INO80: variants seen among roughly 807,000 people sequenced by gnomAD.
The protein encoded by INO80 is INO80 complex ATPase subunit.
Under a neutral mutation model 203.4 loss-of-function variants are expected in INO80, and 20 were observed. That is an observed-to-expected ratio of 0.10 (90% CI 0.07 to 0.14). INO80 has a LOEUF of 0.14. Among genes scored for constraint, INO80 ranks in the 10% least tolerant of loss-of-function variants. The probability of loss-of-function intolerance (pLI) is 1.00; values close to 1 mark genes in which losing one functional copy is unlikely to be tolerated. For missense variants in INO80, 1,419 were observed against 1,914.4 expected (o/e 0.74, Z 4.83); for synonymous variants, 726 against 685.2 (o/e 1.06, Z -0.93).
rs78451546 is a variant in INO80 at position 41,059,776 on chromosome 15, G to A, written c.1842+91C>T. The A allele has an allele frequency of 7.7e-3, 6,421 of 829,106 alleles. 289 individuals are homozygous for A. The African/African-American group carries it at 0.1, about 13-fold the overall frequency. The allele number at this position is 829,106 out of a possible 1,614,324, so 51.4% of individuals were successfully genotyped here. A position where few individuals can be genotyped will look rare whatever the true frequency, so the allele number is the denominator to read the frequency against. ...TCCAGAAATATATAATAGATAAGAAGATTTTTGTCTAAAAGAAATTATCCA... is the reference window on the plus strand; with the variant it reads ...TCCAGAAATATATAATAGATAAGAAAATTTTTGTCTAAAAGAAATTATCCA... On this transcript the variant is annotated intron_variant, in intron 15 of 35. Coordinates refer to ENST00000648947, the MANE Select transcript of INO80 (RefSeq NM_017553.3).
rs781084323 is a variant in INO80 at position 40,983,103 on chromosome 15, G to GAA, written c.4238-28_4238-27dup. The GAA allele has an allele frequency of 7.9e-6, 12 of 1,513,264 alleles. No homozygotes were observed. The Admixed American group carries it at 1.2e-4, about 15-fold the overall frequency. The allele number at this position is 1,513,264 out of a possible 1,614,324, so 93.7% of individuals were successfully genotyped here. On this transcript the variant is annotated intron_variant, in intron 34 of 35. Transcript: ENST00000648947. ...CTGTGGGAACAAATGGGCCAAAAGGGAAAGAAAAAAAAAAAAAGTCAATCT... is the reference window on the plus strand; with the variant it reads ...CTGTGGGAACAAATGGGCCAAAAGGGAAAAAGAAAAAAAAAAAAAGTCAATCT...
At chr15:41,093,314 A>G (rs2045672003) in intron 4 of INO80, among the ~76,000 whole-genome samples, 1 of 152,014 alleles carries the variant, frequency 6.6e-6, no homozygotes, top group South Asian at 2.1e-4. Context: ...AGTTTCAGCT[A>G]CTCAGGAGGC....
chr15:41,109,721 C>CA (rs1361734153), intron 1 of INO80, among the ~76,000 whole-genome samples: 3 of 151,790 alleles, frequency 2.0e-5, no homozygotes, highest in Non-Finnish European at 4.4e-5. Flanking sequence ...CACCTGAGGT[C>CA]AGGAGTTTGA....
At chr15:41,051,726 G>A (rs1384331588) in intron 19 of INO80, among the ~76,000 whole-genome samples, 1 of 152,100 alleles carries the variant, frequency 6.6e-6, no homozygotes. Flanking sequence ...AGGCCGAGGT[G>A]GGTGGATCAC....
intron 8 of INO80, among the ~76,000 whole-genome samples, chr15:41,080,631 A>G (rs1352609675): frequency 2.6e-5 from 4 of 152,104 alleles, no homozygotes; most frequent in African/African-American, 9.7e-5. Context: ...TGAGGCAGGC[A>G]GATCACCTGA....
chr15:41,062,771 A>G (rs1173740124), intron 14 of INO80, among the ~76,000 whole-genome samples: 3 of 152,188 alleles, frequency 2.0e-5, no homozygotes, highest in Non-Finnish European at 4.4e-5. Context: ...GGAGTGATGC[A>G]ACAAGAAGGC....
chr15:41,007,019 A>C (rs2044051336), intron 27 of INO80, among the ~76,000 whole-genome samples: 1 of 152,130 alleles, frequency 6.6e-6, no homozygotes, highest in Non-Finnish European at 1.5e-5. Context: ...TGGTCCTTAG[A>C]GGCTTGCTAT....
Position 41,044,931 on chromosome 15 carries a change from TGGAAA to T in INO80, c.2875_2879del (p.Phe959LysfsTer18). 1 of 1,611,962 alleles carries T rather than the reference TGGAAA, an allele frequency of 6.2e-7. No individual in the cohort carries two copies. Among genetic ancestry groups the T allele is most frequent in the Non-Finnish European group, 8.5e-7 (1 of 1,179,464 alleles). ...TTAACAAAGGGCAGCTGCAAAGGTT[TGGAAA>T]GGAGAGTGGAAAATTAACCCCAAGA... On this transcript the variant is annotated frameshift_variant, in exon 24 of 36. Transcript: ENST00000648947. LOFTEE classifies it high-confidence loss of function.
intron 29 of INO80, among the ~76,000 whole-genome samples, chr15:40,988,442 A>C (rs533633300): frequency 1.4e-4 from 21 of 152,350 alleles, no homozygotes; most frequent in Non-Finnish European, 5.9e-5. Context: ...ATCCAAGATC[A>C]CATTGCTTAA....
At position 41,014,207 on chromosome 15, in the gene INO80, T is replaced by G. The variant is rs181633581; in HGVS notation, c.3402+1881A>C. Among the ~76,000 whole-genome samples the G allele has an allele frequency of 1.7e-4, 26 of 152,322 alleles. No individual in the cohort carries two copies. The East Asian group carries it at 5.0e-3, about 29-fold the overall frequency. ...TTTTGGATTGCTCATTCACATTCCC[T>G]TGGAACTTTCCTTTCATATGAATCA... On this transcript the variant is annotated intron_variant, in intron 27 of 35. Coordinates refer to ENST00000648947, the MANE Select transcript of INO80 (RefSeq NM_017553.3).
At chr15:41,043,046 A>G (rs1596286032) in intron 24 of INO80, among the ~76,000 whole-genome samples, 1 of 152,312 alleles carries the variant, frequency 6.6e-6, no homozygotes, top group South Asian at 2.1e-4. Context: ...TTTCCCATAA[A>G]GCATACTACC....
At chr15:41,091,744 T>C (rs575503547) in intron 5 of INO80, among the ~76,000 whole-genome samples, 1 of 142,490 alleles carries the variant, frequency 7.0e-6, no homozygotes, top group Non-Finnish European at 1.5e-5. Flanking sequence ...AACCTCCGCC[T>C]CTGGGTTCGA....
intron 14 of INO80, among the ~76,000 whole-genome samples, chr15:41,067,745 AC>A: frequency 6.6e-6 from 1 of 152,302 alleles, no homozygotes; most frequent in Admixed American, 6.5e-5. Flanking sequence ...ACTACAGGAA[AC>A]CCATCACTAT....
At chr15:41,044,844 T>G (rs2140518217) in intron 24 of INO80, 60 bp downstream of exon 24, 2 of 1,489,066 alleles carry the variant, frequency 1.3e-6, no homozygotes, top group Non-Finnish European at 1.8e-6. Context: ...TATTTTTACT[T>G]ATTCAAGGAA....
At chr15:41,007,626 C>T (rs1357753851) in intron 27 of INO80, among the ~76,000 whole-genome samples, 1 of 151,888 alleles carries the variant, frequency 6.6e-6, no homozygotes, top group East Asian at 1.9e-4. Context: ...CAAACCAACC[C>T]TGATTATAGA....
intron 1 of INO80, among the ~76,000 whole-genome samples, chr15:41,109,713 C>T (rs2045932291): frequency 6.6e-6 from 1 of 151,858 alleles, no homozygotes; most frequent in African/African-American, 2.4e-5. Flanking sequence ...AGATGGATCA[C>T]CTGAGGTCAG....
chr15:40,985,465 T>A (rs747830034), intron 31 of INO80, 39 bp from the exon 32 acceptor site: 1 of 1,377,054 alleles, frequency 7.3e-7, no homozygotes, highest in South Asian at 1.2e-5. Context: ...GAAGTACCTG[T>A]GGTAATCATA....
intron 7 of INO80, among the ~76,000 whole-genome samples, chr15:41,083,000 A>T (rs1392991635): frequency 6.6e-6 from 1 of 151,710 alleles, no homozygotes; most frequent in African/African-American, 2.4e-5. Context: ...GCTCAAGCAC[A>T]GGCCGGGTGC....
intron 7 of INO80, among the ~76,000 whole-genome samples, chr15:41,084,632 A>T (rs929331394): frequency 3.9e-5 from 6 of 152,188 alleles, no homozygotes; most frequent in Non-Finnish European, 8.8e-5. Flanking sequence ...TACATGTTTA[A>T]CTCGTTCACA....
Sources: gnomAD v4.1 joint callset for allele counts (sites outside exome capture counted in the v4.1 genomes callset) on GRCh38, gnomAD v4.1.1 for gene constraint, MANE v1.5 for transcripts, NCBI Gene and HGNC (gene_info 2026-07-23, HGNC 2026-07-21) for gene names.